COMMD7: variants seen among roughly 807,000 people sequenced by gnomAD.
COMMD7 encodes the protein COMM domain-containing protein 7.
In COMMD7, 28 loss-of-function variants were observed where a neutral mutation model predicts 34.8. That is an observed-to-expected ratio of 0.80 (90% CI 0.60 to 1.10). The LOEUF is 1.10. Among genes scored for constraint, COMMD7 ranks in the 50% least tolerant of loss-of-function variants. The pLI, the probability that COMMD7 is intolerant of heterozygous loss-of-function variation, is 0.00. For missense variants in COMMD7, 211 were observed against 241.6 expected, an observed-to-expected ratio of 0.87 and a Z score of 0.84; for synonymous variants, 80 against 86.4, an observed-to-expected ratio of 0.93 and a Z score of 0.41.
chr20:32,707,895 T>G (rs1393327032), intron 3 of COMMD7, among the ~76,000 whole-genome samples: 1 of 152,114 alleles, frequency 6.6e-6, no homozygotes, highest in African/African-American at 2.4e-5. Flanking sequence ...ATTCCATTCC[T>G]CAGTCTCACT....
rs139424627 is a variant in COMMD7 at position 32,711,258 on chromosome 20, G to A, written c.242-4498C>T. ...CTAAAAATACAAAAATTAGCTGGGC[G>A]TGGTGGCACACGCCTGTAGTCCCAG... On this transcript the variant is annotated intron_variant, in intron 3 of 8. Transcript: ENST00000278980. Among the ~76,000 whole-genome samples the A allele has an allele frequency of 2.0e-3, 303 of 151,914 alleles. 1 individual carries two copies. Among genetic ancestry groups the A allele is most frequent in the African/African-American group, 7.0e-3 (292 of 41,454 alleles).
chr20:32,716,820 G>C (rs1388100568), intron 3 of COMMD7, among the ~76,000 whole-genome samples: 1 of 151,616 alleles, frequency 6.6e-6, no homozygotes, highest in Non-Finnish European at 1.5e-5. Flanking sequence ...GGAGCCATGG[G>C]TGGGGTCCAC....
At chr20:32,714,739 G>A (rs931417679) in intron 3 of COMMD7, among the ~76,000 whole-genome samples, 1 of 151,944 alleles carries the variant, frequency 6.6e-6, no homozygotes, top group East Asian at 1.9e-4. Context: ...TAGAATAATC[G>A]CTTGAACCTG....
Position 32,741,996 on chromosome 20 carries a change from T to C in COMMD7, c.84+1312A>G, listed in dbSNP as rs375110712. Among the ~76,000 whole-genome samples, 27 of 152,184 alleles carry C rather than the reference T, an allele frequency of 1.8e-4. No individual in the cohort carries two copies. In the East Asian group the frequency reaches 1.9e-3, roughly 11 times the overall value. On this transcript the variant is annotated intron_variant, in intron 1 of 8. Transcript: ENST00000278980. ...TGAGGTCAGGTGTTCAAGACCAGCC[T>C]GGCCAACATGGTCAAACCCCATCTC... is the stretch of plus-strand genomic sequence containing the variant.
At chr20:32,729,295 A>G (rs1568790382) in intron 1 of COMMD7, among the ~76,000 whole-genome samples, 1 of 151,242 alleles carries the variant, frequency 6.6e-6, no homozygotes, top group Non-Finnish European at 1.5e-5. Context: ...CAGCCTCCCG[A>G]GCAGCTGGGA....
intron 1 of COMMD7, among the ~76,000 whole-genome samples, chr20:32,734,915 C>A (rs140905072): frequency 8.0e-4 from 121 of 151,246 alleles, no homozygotes; most frequent in African/African-American, 2.8e-3. Context: ...CACAGTGAGA[C>A]TCCATCTCAA....
intron 2 of COMMD7, 36 bp from the exon 3 acceptor site, chr20:32,728,031 C>G: frequency 6.2e-7 from 1 of 1,612,804 alleles, no homozygotes; most frequent in Non-Finnish European, 8.5e-7. Flanking sequence ...CGGGCCTTCA[C>G]TTTCTAAGCA....
At position 32,727,888 on chromosome 20, in the gene COMMD7, C is replaced by T. The variant is rs1985606470; in HGVS notation, c.241+5G>A. On this transcript the variant is annotated splice_donor_5th_base_variant and intron_variant, in intron 3 of 8. Coordinates refer to ENST00000278980, the MANE Select transcript of COMMD7 (RefSeq NM_053041.3). ...TGGCCACAGCTGCTAAGAGAGGTTA[C>T]TCACCATTTGGAACCAGAAGGAGGC... 3.7e-6 allele frequency: 6 copies of T among 1,603,052 alleles called. No individual in the cohort carries two copies. Among genetic ancestry groups the T allele is most frequent in the Non-Finnish European group, 5.1e-6 (6 of 1,170,138 alleles).
At chr20:32,743,237 T>TCCCCCCCCCCCCCCC in intron 1 of COMMD7, 71 bp downstream of exon 1, 1 of 526,958 alleles carries the variant, frequency 1.9e-6, no homozygotes, top group Non-Finnish European at 3.1e-6. Flanking sequence ...CCCCCGGACG[T>TCCCCCCCCCCCCCCC]CCCCCCCACC....
intron 8 of COMMD7, chr20:32,703,752 G>A: frequency 6.8e-7 from 1 of 1,471,374 alleles, no homozygotes. Context: ...AGAGCTTCTT[G>A]CTCGTCAACC....
intron 3 of COMMD7, among the ~76,000 whole-genome samples, chr20:32,709,380 CA>C (rs542723920): frequency 2.2e-5 from 3 of 138,800 alleles, no homozygotes; most frequent in African/African-American, 8.0e-5. Context: ...TACAGCCTGG[CA>C]ACAGAGCAAC....
intron 3 of COMMD7, among the ~76,000 whole-genome samples, chr20:32,714,728 G>A (rs1039688537): frequency 6.6e-6 from 1 of 152,050 alleles, no homozygotes; most frequent in Non-Finnish European, 1.5e-5. Context: ...GGCGGCTAAG[G>A]TAGAATAATC....
intron 1 of COMMD7, among the ~76,000 whole-genome samples, chr20:32,734,593 C>G (rs542849434): frequency 3.3e-5 from 5 of 152,040 alleles, no homozygotes; most frequent in Admixed American, 6.6e-5. Context: ...CCTAGATGTT[C>G]AAGATCACCA....
At chr20:32,705,021 T>C in intron 5 of COMMD7, 117 bp from the exon 6 acceptor site, 2 of 742,016 alleles carry the variant, frequency 2.7e-6, no homozygotes, top group Non-Finnish European at 4.6e-6. Context: ...GTGCAGAAGA[T>C]AGTGGGGAGG....
Position 32,704,496 on chromosome 20 carries a change from C to CA in COMMD7, c.428-8dup, listed in dbSNP as rs59379723. On this transcript the variant is annotated splice_polypyrimidine_tract_variant and splice_region_variant and intron_variant, in intron 6 of 8. Coordinates refer to ENST00000278980, the MANE Select transcript of COMMD7 (RefSeq NM_053041.3). ...TCGCTGCTCCCAGATGTCACTGTGACAAAAAAAAAAAAAAAGAGAGAGAGA... is the reference window on the plus strand; with the variant it reads ...TCGCTGCTCCCAGATGTCACTGTGACAAAAAAAAAAAAAAAAGAGAGAGAGA... 5.3e-3 allele frequency: 7,454 copies of CA among 1,396,530 alleles called. 4 individuals are homozygous for CA. The highest frequency in any genetic ancestry group is 0.012 in the East Asian group (484 of 39,452). The allele number at this position is 1,396,530 out of a possible 1,614,324, so 86.5% of individuals were successfully genotyped here.
At position 32,705,563 on chromosome 20, in the gene COMMD7, T is replaced by C. The variant is rs375556126; in HGVS notation, c.337-659A>G. Among the ~76,000 whole-genome samples the C allele has an allele frequency of 3.7e-4, 56 of 151,884 alleles. No homozygotes were observed. The East Asian group carries it at 8.0e-3, about 22-fold the overall frequency. ...TAATTTTTTATATTTTTAGTAGAGA[T>C]GGGGTTTCACCATGTTAGGCAGGAT... is the stretch of plus-strand genomic sequence containing the variant. On this transcript the variant is annotated intron_variant, in intron 5 of 8. Transcript: ENST00000278980.
At chr20:32,717,760 C>T (rs897045750) in intron 3 of COMMD7, among the ~76,000 whole-genome samples, 10 of 152,080 alleles carry the variant, frequency 6.6e-5, no homozygotes, top group African/African-American at 2.4e-4. Context: ...TTGTGCCTGG[C>T]TGAAGTCAGG....
intron 5 of COMMD7, among the ~76,000 whole-genome samples, chr20:32,706,333 G>A (rs1984078139): frequency 6.6e-6 from 1 of 151,790 alleles, no homozygotes; most frequent in Admixed American, 6.6e-5. Flanking sequence ...CTAACACAGC[G>A]AAACCCCGTC....
chr20:32,735,369 G>A (rs1469959330), intron 1 of COMMD7, among the ~76,000 whole-genome samples: 2 of 151,946 alleles, frequency 1.3e-5, no homozygotes, highest in Admixed American at 1.3e-4. Context: ...CCAGGCTGGA[G>A]TGCAGTGGTG....
Sources: allele counts gnomAD v4.1 joint callset (sites outside exome capture counted in the v4.1 genomes callset), GRCh38; gene constraint gnomAD v4.1.1; transcripts MANE v1.5; gene names NCBI Gene and HGNC (gene_info 2026-07-23, HGNC 2026-07-21).